The following CAPN12 variants were observed in gnomAD, a reference collection of about 807,000 sequenced individuals.
The protein encoded by CAPN12 is calpain-12.
A neutral mutation model predicts 95.0 loss-of-function variants in CAPN12; 107 were observed. The observed-to-expected ratio is 1.13, with a 90% CI of 0.96 to 1.32. The LOEUF (loss-of-function observed/expected upper bound fraction) is 1.32. Among genes scored for constraint, CAPN12 ranks in the 40% most tolerant of loss-of-function variants. The probability of loss-of-function intolerance (pLI) is 0.00; values close to 1 mark genes in which losing one functional copy is unlikely to be tolerated. For missense variants in CAPN12, 1,136 were observed against 997.8 expected (o/e 1.14, Z -1.87); for synonymous variants, 505 against 415.5 (o/e 1.22, Z -2.62).
At chr19:38,730,907 G>A (rs770110753) in intron 20 of CAPN12, 29 bp from the exon 21 acceptor site, 7 of 1,550,724 alleles carry the variant, frequency 4.5e-6, no homozygotes, top group Admixed American at 2.0e-5. Context: ...ACAGTGGCTT[G>A]AGGCAGGGAG....
rs1235562832 is a variant in CAPN12 at position 38,730,820 on chromosome 19, C to T, written c.*32G>A. 5.2e-6 allele frequency: 8 copies of T among 1,550,216 alleles called. No individual in the cohort carries two copies. The highest frequency in any genetic ancestry group is 2.4e-5 in the South Asian group (2 of 84,074). Reference sequence around the variant, plus strand: ...GAGGTGGTCTTGCTCAGCAACCCTGCCCTGAGCAGCAGGTGCGCCCATCCG... The same window carrying T: ...GAGGTGGTCTTGCTCAGCAACCCTGTCCTGAGCAGCAGGTGCGCCCATCCG... On this transcript the variant is annotated 3_prime_UTR_variant, in exon 21 of 21. Coordinates refer to ENST00000328867, the MANE Select transcript of CAPN12 (RefSeq NM_144691.4).
intron 15 of CAPN12, 98 bp from the exon 16 acceptor site, chr19:38,734,487 C>A: frequency 9.4e-7 from 1 of 1,068,770 alleles, no homozygotes; most frequent in South Asian, 1.6e-5. Context: ...GTGATGTTGT[C>A]AGTCCCATAT....
chr19:38,734,292 C>CT, intron 16 of CAPN12, 27 bp downstream of exon 16: 1 of 1,603,446 alleles, frequency 6.2e-7, no homozygotes, highest in South Asian at 1.1e-5. Flanking sequence ...CACTCCCTCC[C>CT]TCACCCAGGC....
chr19:38,735,465 C>T lies in CAPN12; in HGVS notation c.1627-36G>A, dbSNP rs372210051. 8 of 1,610,688 alleles carry T rather than the reference C, an allele frequency of 5.0e-6. No homozygotes were observed. In the African/African-American group the frequency reaches 9.4e-5, roughly 19 times the overall value. ...GCGGAAGTTTAGCGCTGGCCAAGAT[C>T]CCCGCCCCATGCCGCCCCTCCAGGA... On this transcript the variant is annotated intron_variant, in intron 13 of 20. Transcript: ENST00000328867.
intron 3 of CAPN12, 133 bp from the exon 4 acceptor site, chr19:38,742,043 T>G: frequency 1.5e-6 from 2 of 1,312,430 alleles, no homozygotes; most frequent in Non-Finnish European, 2.1e-6. Flanking sequence ...TCCATATGGC[T>G]GGCCGGGTGC....
At chr19:38,743,897 A>T in intron 1 of CAPN12, 32 bp downstream of exon 1, 1 of 1,602,416 alleles carries the variant, frequency 6.2e-7, no homozygotes, top group Non-Finnish European at 8.5e-7. Context: ...CCTCCCTCAG[A>T]CCCCAGAGCC....
Position 38,743,085 on chromosome 19 carries a change from C to A in CAPN12, c.255G>T (p.Pro85=), listed in dbSNP as rs201291255. Residue 85 remains proline, a synonymous_variant, in exon 2 of 21, where the codon CCG becomes CCT. Coordinates refer to ENST00000328867, the MANE Select transcript of CAPN12 (RefSeq NM_144691.4). Reference sequence around the variant, plus strand: ...GGCTCATGTCTTCACAGATGAACTTCGGCTCAGCACAGAACTCCTGTGGGT... The same window carrying A: ...GGCTCATGTCTTCACAGATGAACTTAGGCTCAGCACAGAACTCCTGTGGGT... ...WMRPHEFCAE[P]KFICEDMSRT... The A allele has an allele frequency of 1.2e-6, 2 of 1,614,028 alleles. No individual in the cohort carries two copies. Among genetic ancestry groups the A allele is most frequent in the Non-Finnish European group, 1.7e-6 (2 of 1,179,972 alleles).
At position 38,742,451 on chromosome 19, in the gene CAPN12, GTC is replaced by G. The variant is rs1970602820; in HGVS notation, c.383_384del (p.Gly128AlafsTer28). On this transcript the variant is annotated frameshift_variant, in exon 3 of 21. Coordinates refer to ENST00000328867, the MANE Select transcript of CAPN12 (RefSeq NM_144691.4). LOFTEE classifies it high-confidence loss of function. ...CCTGCGTAGCCATGCTGGAAATCCT[GTC>G]CAGGAGGGACCACCCGGCGCAGGAG... ...PRLLRRVVPP[G>X]QDFQHGYAGV... 3.7e-6 allele frequency: 6 copies of G among 1,613,930 alleles called. No individual in the cohort carries two copies. The South Asian group carries it at 5.5e-5, about 15-fold the overall frequency.
At position 38,734,314 on chromosome 19, in the gene CAPN12, T is replaced by C. The variant is rs768244978; in HGVS notation, c.1815+5A>G. The C allele has an allele frequency of 6.2e-7, 1 of 1,606,422 alleles. No individual in the cohort carries two copies. Among genetic ancestry groups the C allele is most frequent in the South Asian group, 1.1e-5 (1 of 90,394 alleles). The stretch of plus-strand genomic sequence containing the variant: ...TCCCTCACCCAGGCACTGCCCCCCA[T>C]GTACCCCGAAACACTGCAGCAGCTG... On this transcript the variant is annotated splice_donor_5th_base_variant and intron_variant, in intron 16 of 20. Coordinates refer to ENST00000328867, the MANE Select transcript of CAPN12 (RefSeq NM_144691.4).
chr19:38,731,214 A>C lies in CAPN12; in HGVS notation c.1967T>G (p.Leu656Arg). Residue 656 changes from leucine to arginine, a missense_variant, in exon 19 of 21, where the codon CTG becomes CGG. By Grantham distance (102) the Leu-to-Arg change is moderately radical (BLOSUM62 -2). Coordinates refer to ENST00000328867, the MANE Select transcript of CAPN12 (RefSeq NM_144691.4). ...RLALNAAGFHLNNQLTQTLTS... is the reference protein window; with the variant it reads ...RLALNAAGFHRNNQLTQTLTS... ...GAGGGTCTGGGTCAGCTGGTTGTTC[A>C]GGTGGAAGCCTAGGGGGAGGCTGCT... The C allele has an allele frequency of 6.2e-7, 1 of 1,612,580 alleles. No individual in the cohort carries two copies. The highest frequency in any genetic ancestry group is 8.5e-7 in the Non-Finnish European group (1 of 1,179,960).
intron 18 of CAPN12, among the ~76,000 whole-genome samples, chr19:38,732,856 A>C (rs980630812): frequency 6.6e-6 from 1 of 152,058 alleles, no homozygotes; most frequent in Non-Finnish European, 1.5e-5. Flanking sequence ...TCCCCTCCAC[A>C]TGAGGGTCAC....
At chr19:38,743,283 C>T in intron 1 of CAPN12, 181 bp from the exon 2 acceptor site, 1 of 659,254 alleles carries the variant, frequency 1.5e-6, no homozygotes, top group Non-Finnish European at 2.6e-6. Flanking sequence ...TCCCTCAGAC[C>T]CGGGAGTCCA....
chr19:38,733,550 C>T (rs927609070), intron 18 of CAPN12, 153 bp downstream of exon 18: 3 of 672,026 alleles, frequency 4.5e-6, no homozygotes, highest in Admixed American at 5.6e-5. Flanking sequence ...TTCAGGGTCA[C>T]CCAACCCCTG....
intron 17 of CAPN12, 45 bp from the exon 18 acceptor site, chr19:38,733,826 A>G (rs759578065): frequency 6.5e-7 from 1 of 1,531,960 alleles, no homozygotes; most frequent in Non-Finnish European, 9.0e-7. Flanking sequence ...TGCCCTGAAG[A>G]GGGCTGCCAA....
In CAPN12 at chr19:38,744,097, G is replaced by A; in HGVS notation, c.69C>T (p.Arg23=). 1.2e-6 allele frequency: 2 copies of A among 1,614,166 alleles called. No individual in the cohort carries two copies. Among genetic ancestry groups the A allele is most frequent in the Non-Finnish European group, 1.7e-6 (2 of 1,180,026 alleles). The change falls in exon 1 of 21, where the codon CGC becomes CGT. Residue 23 remains arginine, a synonymous_variant. Coordinates refer to ENST00000328867, the MANE Select transcript of CAPN12 (RefSeq NM_144691.4). The stretch of plus-strand genomic sequence containing the variant: ...AGCTCTGGCCCCGAAAAAGCTGCAG[G>A]CGCCCGGCTCCGACCCCAGCCTCCT... ...VDEEAGVGAG[R]LQLFRGQSYE... is the part of the protein sequence containing the mutation.
In CAPN12 at chr19:38,738,805, C is replaced by T. The variant is rs572184280; in HGVS notation, c.730-157G>A. 41 of 643,480 alleles carry T rather than the reference C, an allele frequency of 6.4e-5. 1 individual carries two copies. Among genetic ancestry groups the T allele is most frequent in the African/African-American group, 4.4e-4 (24 of 54,684 alleles). The allele number at this position is 643,480 out of a possible 1,614,324, so 39.9% of individuals were successfully genotyped here. On this transcript the variant is annotated intron_variant, in intron 5 of 20. Transcript: ENST00000328867. ...CCATGTCAGGGTTAGTGACTGAAGG[C>T]GAAAGAGAAAAGGAGAGGAAGGGAG... is the stretch of plus-strand genomic sequence containing the variant.
At position 38,740,038 on chromosome 19, in the gene CAPN12, C is replaced by A. The variant is rs570491901; in HGVS notation, c.729+13G>T. 1.9e-6 allele frequency: 3 copies of A among 1,553,750 alleles called. No individual in the cohort carries two copies. In the Admixed American group the frequency reaches 5.6e-5, roughly 29 times the overall value. ...CCTGGTGGGGGTTCCGCATGCGAGTCCAGGTCTCTTACCAGGGCAGTGGCG... is the reference window on the plus strand; with the variant it reads ...CCTGGTGGGGGTTCCGCATGCGAGTACAGGTCTCTTACCAGGGCAGTGGCG... On this transcript the variant is annotated intron_variant, in intron 5 of 20. Coordinates refer to ENST00000328867, the MANE Select transcript of CAPN12 (RefSeq NM_144691.4).
Position 38,730,307 on chromosome 19 carries a change from G to C in CAPN12, c.*545C>G, listed in dbSNP as rs1259235474. ...ATAATGAAGACATAGCCGATTCTCT[G>C]CCCGGGCCCCTTGCTGATGCTCCTC... On this transcript the variant is annotated 3_prime_UTR_variant, in exon 21 of 21. Transcript: ENST00000328867. 1 of 164,700 alleles carries C rather than the reference G, an allele frequency of 6.1e-6. No homozygotes were observed. The highest frequency in any genetic ancestry group is 1.3e-5 in the Non-Finnish European group (1 of 75,106). The allele number at this position is 164,700 out of a possible 1,614,324, so 10.2% of individuals were successfully genotyped here.
Position 38,730,888 on chromosome 19 carries a change from A to G in CAPN12, c.2134-10T>C, listed in dbSNP as rs1470473769. The G allele has an allele frequency of 1.9e-5, 29 of 1,551,534 alleles. No homozygotes were observed. The highest frequency in any genetic ancestry group is 2.4e-5 in the Non-Finnish European group (28 of 1,147,426). Reference sequence around the variant, plus strand: ...TGGCCACCTCCATCCACTAAGGAAGAGAAGGAAGACAGTGGCTTGAGGCAG... The same window carrying G: ...TGGCCACCTCCATCCACTAAGGAAGGGAAGGAAGACAGTGGCTTGAGGCAG... On this transcript the variant is annotated splice_polypyrimidine_tract_variant and intron_variant, in intron 20 of 20. Coordinates refer to ENST00000328867, the MANE Select transcript of CAPN12 (RefSeq NM_144691.4).
Sources: allele counts gnomAD v4.1 joint callset (sites outside exome capture counted in the v4.1 genomes callset), GRCh38; gene constraint gnomAD v4.1.1; transcripts MANE v1.5; gene names NCBI Gene and HGNC (gene_info 2026-07-23, HGNC 2026-07-21).